The following PDE11A variants were observed in gnomAD, a reference collection of about 807,000 sequenced individuals.
The protein encoded by PDE11A is dual 3',5'-cyclic-AMP and -GMP phosphodiesterase 11A.
PDE11A carries 100 observed loss-of-function variants against 100.5 expected under a neutral mutation model. The ratio of observed to expected loss-of-function variants is 1.00; its 90% CI spans 0.85 to 1.18. PDE11A has a LOEUF of 1.18. Among genes scored for constraint, PDE11A ranks in the 50% most tolerant of loss-of-function variants. The pLI, the probability that PDE11A is intolerant of heterozygous loss-of-function variation, is 0.00. For missense variants in PDE11A, 1,141 were observed against 1,152.6 expected (o/e 0.99, Z 0.15); for synonymous variants, 381 against 420.8 (o/e 0.91, Z 1.16).
intron 1 of PDE11A, among the ~76,000 whole-genome samples, chr2:178,059,202 A>G (rs1274235934): frequency 6.6e-6 from 1 of 152,150 alleles, no homozygotes; most frequent in East Asian, 1.9e-4. Flanking sequence ...CAGGGCTGCA[A>G]CAGGGTCAAT....
At chr2:177,687,777 T>G (rs943030127) in intron 15 of PDE11A, 8 of 152,286 alleles carry the variant, frequency 5.3e-5, no homozygotes, top group African/African-American at 1.9e-4. Flanking sequence ...TATAGACTGG[T>G]AGGGCTGTAT....
intron 1 of PDE11A, among the ~76,000 whole-genome samples, chr2:178,046,283 G>C (rs1160529721): frequency 6.6e-6 from 1 of 152,112 alleles, no homozygotes; most frequent in Non-Finnish European, 1.5e-5. Flanking sequence ...TTTTGCAGCT[G>C]ATCCTTTGAG....
intron 2 of PDE11A, among the ~76,000 whole-genome samples, chr2:178,078,922 A>G (rs1186632530): frequency 6.6e-6 from 1 of 152,230 alleles, no homozygotes; most frequent in East Asian, 1.9e-4. Context: ...CTAGGGAGGT[A>G]GAACATTTAC....
At chr2:177,683,490 A>G (rs2080896196) in intron 15 of PDE11A, 1 of 152,272 alleles carries the variant, frequency 6.6e-6, no homozygotes, top group Non-Finnish European at 1.5e-5. Context: ...AGCTCCCCGG[A>G]GAATCTCCAA....
chr2:178,012,486 T>A (rs2086284529), intron 2 of PDE11A, among the ~76,000 whole-genome samples: 1 of 152,186 alleles, frequency 6.6e-6, no homozygotes, highest in Non-Finnish European at 1.5e-5. Flanking sequence ...AGTTGACAGA[T>A]GAGAAAACTT....
chr2:178,095,645 T>C (rs1018345108), intron 2 of PDE11A, among the ~76,000 whole-genome samples: 3 of 152,238 alleles, frequency 2.0e-5, no homozygotes, highest in African/African-American at 7.2e-5. Flanking sequence ...CCAACCCACA[T>C]TTCCCTTTCA....
chr2:177,828,813 T>A (rs1309241836), intron 6 of PDE11A, among the ~76,000 whole-genome samples: 1 of 151,666 alleles, frequency 6.6e-6, no homozygotes, highest in African/African-American at 2.4e-5. Flanking sequence ...TCTGAAAGAA[T>A]TGCAAATTTG....
At chr2:177,637,288 A>C in intron 19 of PDE11A, among the ~76,000 whole-genome samples, 1 of 152,194 alleles carries the variant, frequency 6.6e-6, no homozygotes, top group South Asian at 2.1e-4. Flanking sequence ...TTCTGACTCT[A>C]ATGCATTGTG....
chr2:177,806,992 T>C (rs954523576), intron 9 of PDE11A, among the ~76,000 whole-genome samples: 6 of 151,946 alleles, frequency 3.9e-5, no homozygotes, highest in Admixed American at 1.3e-4. Context: ...TAGGAAAAAA[T>C]AAGTATTTGA....
chr2:177,750,369 G>A (rs2082009696), intron 10 of PDE11A, among the ~76,000 whole-genome samples: 1 of 152,214 alleles, frequency 6.6e-6, no homozygotes, highest in Non-Finnish European at 1.5e-5. Flanking sequence ...TTGCTCTTTG[G>A]AAATTCCTGA....
At chr2:177,829,932 C>T (rs1030435397) in intron 6 of PDE11A, among the ~76,000 whole-genome samples, 4 of 152,150 alleles carry the variant, frequency 2.6e-5, no homozygotes, top group Non-Finnish European at 2.9e-5. Context: ...GGGATAATCA[C>T]TCCTGAGATT....
chr2:177,861,456 A>T (rs939172239), intron 5 of PDE11A, among the ~76,000 whole-genome samples: 1 of 151,866 alleles, frequency 6.6e-6, no homozygotes, highest in Admixed American at 6.6e-5. Flanking sequence ...CAACTTATAT[A>T]CAGGAGTTGG....
chr2:177,714,019 A>G (rs796339627), intron 12 of PDE11A, among the ~76,000 whole-genome samples: 1 of 86,874 alleles, frequency 1.2e-5, no homozygotes, highest in Non-Finnish European at 2.1e-5. Context: ...TTTGAGACGG[A>G]GTCTCTCTCT....
chr2:177,756,444 C>G (rs1057435439), intron 10 of PDE11A, among the ~76,000 whole-genome samples: 9 of 152,184 alleles, frequency 5.9e-5, no homozygotes, highest in Non-Finnish European at 1.3e-4. Context: ...TTTCTGAATT[C>G]TAAATCTTTT....
chr2:178,107,533 T>TTA (rs1232962444), intron 1 of PDE11A, among the ~76,000 whole-genome samples: 1 of 151,470 alleles, frequency 6.6e-6, no homozygotes, highest in African/African-American at 2.4e-5. Context: ...ACTTTATATA[T>TTA]TATTAACTCA....
intron 2 of PDE11A, among the ~76,000 whole-genome samples, chr2:177,916,130 A>G (rs938042011): frequency 7.2e-5 from 11 of 152,142 alleles, no homozygotes; most frequent in African/African-American, 2.7e-4. Flanking sequence ...TACGTTTCTG[A>G]CACTCATGTT....
intron 6 of PDE11A, among the ~76,000 whole-genome samples, chr2:177,829,991 A>G (rs1341420158): frequency 1.3e-5 from 2 of 152,136 alleles, no homozygotes; most frequent in African/African-American, 4.8e-5. Flanking sequence ...AGCCAACTGG[A>G]GTGAGATTCT....
chr2:178,045,776 C>A (rs887518070), intron 1 of PDE11A, among the ~76,000 whole-genome samples: 1 of 152,194 alleles, frequency 6.6e-6, no homozygotes, highest in Non-Finnish European at 1.5e-5. Flanking sequence ...GGGATCTTCG[C>A]ACAAAAATAA....
chr2:178,063,824 G>A (rs561936152), intron 1 of PDE11A, among the ~76,000 whole-genome samples: 19 of 152,132 alleles, frequency 1.2e-4, no homozygotes, highest in Non-Finnish European at 2.1e-4. Context: ...CTCCAGGGTC[G>A]TAAGCCTCAA....
Sources: gnomAD v4.1 joint callset for allele counts (sites outside exome capture counted in the v4.1 genomes callset) on GRCh38, gnomAD v4.1.1 for gene constraint, MANE v1.5 for transcripts, NCBI Gene and HGNC (gene_info 2026-07-23, HGNC 2026-07-21) for gene names.